Variants in NKAP observed in about 807,000 individuals in gnomAD.
NKAP encodes NFKB activating protein, also known as NF-kappa-B-activating protein.
NKAP carries 4 observed loss-of-function variants against 35.6 expected under a neutral mutation model. The ratio of observed to expected loss-of-function variants is 0.11; its 90% CI spans 0.06 to 0.26. The LOEUF (loss-of-function observed/expected upper bound fraction) is 0.26, where lower values mean the gene tolerates loss of function less well. NKAP is among the 10% of genes least tolerant of loss of function. The pLI, the probability that NKAP is intolerant of heterozygous loss-of-function variation, is 1.00. For synonymous variants in NKAP, 106 were observed against 119.2 expected (o/e 0.89, Z 0.72); for missense variants, 238 against 321.9 (o/e 0.74, Z 1.99).
At chrX:119,935,624 C>T (rs1039959541) in intron 4 of NKAP, among the ~76,000 whole-genome samples, 3 of 111,455 alleles carry the variant, frequency 2.7e-5, no homozygotes, top group Non-Finnish European at 5.6e-5. Context: ...GTTCTGTCTT[C>T]GAGCACTGAG....
At chrX:119,926,837 G>C (rs1378061710) in intron 8 of NKAP, among the ~76,000 whole-genome samples, 1 of 106,031 alleles carries the variant, frequency 9.4e-6, no homozygotes. Flanking sequence ...GAGGCAGGCA[G>C]GTCACCTGAG....
intron 1 of NKAP, among the ~76,000 whole-genome samples, chrX:119,940,366 A>C (rs920853953): frequency 2.8e-5 from 3 of 108,818 alleles, no homozygotes; most frequent in Non-Finnish European, 3.8e-5. Flanking sequence ...AAAAAAAAAA[A>C]AAAAAAACTA....
chrX:119,936,557 T>A (rs755862331), intron 3 of NKAP, 55 bp downstream of exon 3: 30 of 1,040,226 alleles, frequency 2.9e-5, no homozygotes, highest in East Asian at 2.5e-4. Context: ...CTGATTTTTT[T>A]AAATCTCTCA....
At chrX:119,933,215 C>T (rs2056750298) in intron 5 of NKAP, among the ~76,000 whole-genome samples, 2 of 111,670 alleles carry the variant, frequency 1.8e-5, no homozygotes, top group Non-Finnish European at 3.8e-5. Context: ...AAGCAATTAT[C>T]CTGCTCTTAC....
At position 119,921,519 on chromosome X, in the gene NKAP, G is replaced by A. The variant is rs2056688021; in HGVS notation, c.*3701C>T. 1 of 105,667 alleles carries A rather than the reference G, an allele frequency of 9.5e-6. No homozygotes were observed. The highest frequency in any genetic ancestry group is 4.3e-4 in the South Asian group (1 of 2,307). The allele number at this position is 105,667 out of a possible 1,213,427, so 8.7% of individuals were successfully genotyped here. Reference sequence around the variant, plus strand: ...ACATCAGAGCAATAGGCAAGGAGGTGGCAAACTAGATAAGTCTCCTTGGAG... The same window carrying A: ...ACATCAGAGCAATAGGCAAGGAGGTAGCAAACTAGATAAGTCTCCTTGGAG... On this transcript the variant is annotated 3_prime_UTR_variant, in exon 9 of 9. Transcript: ENST00000371410.
Position 119,921,529 on chromosome X carries a change from A to G in NKAP, c.*3691T>C, listed in dbSNP as rs1402353480. 6.6e-5 allele frequency: 7 copies of G among 106,504 alleles called. No individual in the cohort carries two copies. Among genetic ancestry groups the G allele is most frequent in the East Asian group, 5.9e-4 (2 of 3,417 alleles). 8.8% of individuals were successfully genotyped at this position (106,504 alleles called of 1,213,427 possible). A position where few individuals can be genotyped will look rare whatever the true frequency, so the allele number is the denominator to read the frequency against. ...AATAGGCAAGGAGGTGGCAAACTAG[A>G]TAAGTCTCCTTGGAGAACAAAAAAT... On this transcript the variant is annotated 3_prime_UTR_variant, in exon 9 of 9. Coordinates refer to ENST00000371410, the MANE Select transcript of NKAP (RefSeq NM_024528.4).
intron 4 of NKAP, 109 bp downstream of exon 4, chrX:119,936,188 A>G (rs1319682711): frequency 2.7e-5 from 24 of 893,781 alleles, no homozygotes; most frequent in Non-Finnish European, 3.6e-5. Context: ...CAAGTGTTCA[A>G]AAACTCTTCA....
intron 5 of NKAP, among the ~76,000 whole-genome samples, chrX:119,933,056 C>T (rs989143765): frequency 2.8e-4 from 31 of 110,629 alleles, no homozygotes; most frequent in Admixed American, 2.5e-3. Flanking sequence ...AGAAATAAAA[C>T]AGCCTAAAAA....
chrX:119,936,483 T>C (rs2056767116), intron 3 of NKAP, 52 bp from the exon 4 acceptor site: 1 of 1,032,065 alleles, frequency 9.7e-7, no homozygotes, highest in South Asian at 2.2e-5. Context: ...TTTCTGAACA[T>C]CAAAAGAAAC....
chrX:119,927,406 G>A (rs984384156), intron 8 of NKAP, among the ~76,000 whole-genome samples: 2 of 110,778 alleles, frequency 1.8e-5, no homozygotes, highest in African/African-American at 3.3e-5. Context: ...GTACAATGGC[G>A]AGGTCTCAGC....
rs756072780 is a variant in NKAP at position 119,925,388 on chromosome X, G to A, written c.1080C>T (p.Arg360=). Residue 360 remains arginine (R), a synonymous_variant, in exon 9 of 9, where the codon CGC becomes CGT. Transcript: ENST00000371410. ...TTCGCAGTCGCACAGCCTCCATTCG[G>A]CGATGCCTGGAGAGAATTTTATTTT... ...SGYVMSGSRH[R]RMEAVRLRKE... is the part of the protein sequence containing the mutation. 8 of 1,194,702 alleles carry A rather than the reference G, an allele frequency of 6.7e-6. No individual in the cohort carries two copies. The highest frequency in any genetic ancestry group is 7.9e-6 in the Non-Finnish European group (7 of 890,694).
At chrX:119,942,475 A>AAAAAC (rs1055756832) in intron 1 of NKAP, among the ~76,000 whole-genome samples, 8 of 108,647 alleles carry the variant, frequency 7.4e-5, no homozygotes, top group African/African-American at 2.8e-4. Flanking sequence ...ACCCTGTCTC[A>AAAAAC]AAAACAAAAC....
intron 8 of NKAP, among the ~76,000 whole-genome samples, chrX:119,929,158 A>G (rs1428228481): frequency 8.9e-6 from 1 of 111,738 alleles, no homozygotes; most frequent in Non-Finnish European, 1.9e-5. Flanking sequence ...GGCCTCCCAA[A>G]GTGCTGGGAT....
chrX:119,941,780 C>G (rs1027134852), intron 1 of NKAP, among the ~76,000 whole-genome samples: 4 of 111,322 alleles, frequency 3.6e-5, no homozygotes, highest in Non-Finnish European at 3.8e-5. Context: ...CACATGCCAC[C>G]ACGCCCAGCT....
chrX:119,931,896 T>C (rs1282480538), intron 7 of NKAP, 40 bp downstream of exon 7: 2 of 1,044,156 alleles, frequency 1.9e-6, no homozygotes, highest in Admixed American at 2.7e-5. Flanking sequence ...CCAGACTTTT[T>C]GGTAGGTACT....
At chrX:119,941,641 T>C (rs747111444) in intron 1 of NKAP, among the ~76,000 whole-genome samples, 50 of 111,372 alleles carry the variant, frequency 4.5e-4, no homozygotes, top group African/African-American at 1.5e-3. Flanking sequence ...TTTGTTTGTT[T>C]TTGAGACAGC....
chrX:119,939,339 T>C (rs1015082749), intron 1 of NKAP, among the ~76,000 whole-genome samples: 1 of 112,047 alleles, frequency 8.9e-6, no homozygotes, highest in Non-Finnish European at 1.9e-5. Flanking sequence ...CAGGCTGGAG[T>C]GCAGTAGCAC....
In NKAP at chrX:119,925,232, C is replaced by T. The variant is rs1228377459; in HGVS notation, c.1236G>A (p.Lys412=). 1 of 1,208,644 alleles carries T rather than the reference C, an allele frequency of 8.3e-7. No homozygotes were observed. The highest frequency in any genetic ancestry group is 1.1e-6 in the Non-Finnish European group (1 of 894,802). ...AATCAGAAAATCTTTATTTGTCATC[C>T]TTCCCTTTGGTCTTTCTGTAAACCA... is the stretch of plus-strand genomic sequence containing the variant. The part of the protein sequence containing the change: ...REMVYRKTKG[K]DDK Residue 412 remains lysine (K), a synonymous_variant, in exon 9 of 9, where the codon AAG becomes AAA. Transcript: ENST00000371410.
At position 119,938,710 on chromosome X, in the gene NKAP, T is replaced by A; in HGVS notation, c.467+20A>T. On this transcript the variant is annotated intron_variant, in intron 2 of 8. Transcript: ENST00000371410. ...AACACATATTATAACATTTTAAAAA[T>A]ATATTTTTTAACCACTTACTCTGGT... is the stretch of plus-strand genomic sequence containing the variant. The A allele has an allele frequency of 9.2e-7, 1 of 1,089,156 alleles. No individual in the cohort carries two copies. Among genetic ancestry groups the A allele is most frequent in the South Asian group, 2.0e-5 (1 of 48,991 alleles). 89.8% of individuals were successfully genotyped at this position (1,089,156 alleles called of 1,213,427 possible). A position where few individuals can be genotyped will look rare whatever the true frequency, so the allele number is the denominator to read the frequency against.
Sources: allele counts gnomAD v4.1 joint callset (sites outside exome capture counted in the v4.1 genomes callset), GRCh38; gene constraint gnomAD v4.1.1; transcripts MANE v1.5; gene names NCBI Gene and HGNC (gene_info 2026-07-23, HGNC 2026-07-21).